PDHX: variants seen among roughly 807,000 people sequenced by gnomAD.
PDHX encodes the protein pyruvate dehydrogenase protein X component, mitochondrial.
Under a neutral mutation model 55.3 loss-of-function variants are expected in PDHX, and 33 were observed. That is an observed-to-expected ratio of 0.60 (90% CI 0.45 to 0.80). PDHX has a LOEUF of 0.80. PDHX is among the 30% of genes least tolerant of loss of function. The probability of loss-of-function intolerance (pLI) is 0.00; values close to 1 mark genes in which losing one functional copy is unlikely to be tolerated. For synonymous variants in PDHX, 226 were observed against 219.4 expected (o/e 1.03, Z -0.27); for missense variants, 622 against 619.9 (o/e 1.00, Z -0.04).
At chr11:34,940,049 A>G (rs1472366992) in intron 2 of PDHX, among the ~76,000 whole-genome samples, 1 of 152,220 alleles carries the variant, frequency 6.6e-6, no homozygotes, top group East Asian at 1.9e-4. Flanking sequence ...AAAATAACAG[A>G]AAGGAAAAAA....
intron 1 of PDHX, among the ~76,000 whole-genome samples, chr11:34,929,374 G>A (rs1022603207): frequency 7.2e-5 from 11 of 152,232 alleles, no homozygotes; most frequent in South Asian, 2.1e-4. Flanking sequence ...GGGATTACAG[G>A]CGTGTGCCAT....
At chr11:34,953,242 A>G (rs1854820160) in intron 3 of PDHX, among the ~76,000 whole-genome samples, 1 of 152,236 alleles carries the variant, frequency 6.6e-6, no homozygotes, top group African/African-American at 2.4e-5. Flanking sequence ...GGAAGAATCA[A>G]TATTGTGAAA....
intron 9 of PDHX, among the ~76,000 whole-genome samples, chr11:34,990,866 ATTAAAG>A (rs1855741497): frequency 6.6e-6 from 1 of 152,216 alleles, no homozygotes; most frequent in African/African-American, 2.4e-5. Flanking sequence ...TCATCTATGA[ATTAAAG>A]TTAGTTATCA....
chr11:34,931,359 G>A (rs1358138202), intron 1 of PDHX, 45 bp from the exon 2 acceptor site: 3 of 985,486 alleles, frequency 3.0e-6, no homozygotes, highest in Non-Finnish European at 4.9e-6. Flanking sequence ...GCCTCATGAG[G>A]TGCATTATTT....
chr11:34,953,131 C>T (rs998539150), intron 3 of PDHX, among the ~76,000 whole-genome samples: 6 of 147,422 alleles, frequency 4.1e-5, no homozygotes, highest in South Asian at 2.1e-4. Context: ...ATCCAACTTA[C>T]GAGGGACGTG....
chr11:34,972,395 A>ATTTTT (rs35664323), intron 7 of PDHX, among the ~76,000 whole-genome samples: 2 of 145,850 alleles, frequency 1.4e-5, no homozygotes. Flanking sequence ...ACAAATGTTG[A>ATTTTT]TTTTTTTTTT....
At chr11:34,970,669 A>G (rs1231711135) in intron 7 of PDHX, among the ~76,000 whole-genome samples, 1 of 152,228 alleles carries the variant, frequency 6.6e-6, no homozygotes, top group Non-Finnish European at 1.5e-5. Flanking sequence ...GAGCAACCCA[A>G]AACCAAAACT....
chr11:34,926,785 A>G (rs1433656166), intron 1 of PDHX, among the ~76,000 whole-genome samples: 1 of 148,612 alleles, frequency 6.7e-6, no homozygotes, highest in East Asian at 1.9e-4. Flanking sequence ...TAAAAGAAAT[A>G]CTTTAGGGAA....
intron 2 of PDHX, chr11:34,942,057 C>G (rs1329389865): frequency 6.6e-6 from 1 of 152,450 alleles, no homozygotes; most frequent in Admixed American, 6.5e-5. Flanking sequence ...CCAGGACCCT[C>G]TATCCTAGCT....
intron 5 of PDHX, among the ~76,000 whole-genome samples, chr11:34,962,266 T>G (rs763860184): frequency 5.9e-5 from 9 of 152,146 alleles, no homozygotes; most frequent in South Asian, 2.1e-4. Flanking sequence ...TAAGAGGTAA[T>G]GAATACTTGA....
chr11:34,953,106 A>G (rs1445697462), intron 3 of PDHX, among the ~76,000 whole-genome samples: 1 of 152,098 alleles, frequency 6.6e-6, no homozygotes, highest in Non-Finnish European at 1.5e-5. Flanking sequence ...TTCAAAGAGA[A>G]TAAAATACTT....
rs1169763962 is a variant in PDHX, at chr11:34,977,946, C to G, written c.965-178C>G. 2.0e-5 allele frequency: 12 copies of G among 606,284 alleles called. 1 individual carries two copies. Among genetic ancestry groups the G allele is most frequent in the Non-Finnish European group, 3.0e-5 (10 of 329,984 alleles). 37.6% of individuals were successfully genotyped at this position (606,284 alleles called of 1,614,324 possible). A position where few individuals can be genotyped will look rare whatever the true frequency, so the allele number is the denominator to read the frequency against. ...CATGGTTAATATTATTGATCCAGGA[C>G]CTCATATAATGCAAGTTTTTCTAAT... On this transcript the variant is annotated intron_variant, in intron 7 of 10. Transcript: ENST00000227868.
rs186422685 is a variant in PDHX, at chr11:34,948,063, T to C, written c.342+457T>C. On this transcript the variant is annotated intron_variant, in intron 3 of 10. Transcript: ENST00000227868. ...TATATCTAAAAAGTTCTGCCAGTTA[T>C]TAGTTACGTAATGATAAGCAAATTC... 1.3e-3 allele frequency among the ~76,000 whole-genome samples: 193 copies of C among 152,318 alleles called. No homozygotes were observed. The Middle Eastern group carries it at 0.014, about 11-fold the overall frequency.
intron 7 of PDHX, among the ~76,000 whole-genome samples, chr11:34,974,060 TAC>T (rs986687940): frequency 6.6e-6 from 1 of 152,258 alleles, no homozygotes; most frequent in African/African-American, 2.4e-5. Flanking sequence ...ATTTTCCGTG[TAC>T]AGTTAGTTCG....
At chr11:34,991,300 A>C (rs1262700991) in intron 9 of PDHX, among the ~76,000 whole-genome samples, 2 of 152,190 alleles carry the variant, frequency 1.3e-5, no homozygotes, top group Non-Finnish European at 2.9e-5. Context: ...CTAGGGCACT[A>C]TAATTCCACT....
Position 34,966,784 on chromosome 11 carries a change from A to G in PDHX, c.786A>G (p.Pro262=), listed in dbSNP as rs1855142955. The change falls in exon 6 of 11, where the codon CCA becomes CCG. Residue 262 remains proline (P), a synonymous_variant. Transcript: ENST00000227868. The stretch of plus-strand genomic sequence containing the variant: ...CTTATCCCCGGCCTGTGATCCCACC[A>G]GTATCAACTCCTGGACAACCCAATG... The part of the protein sequence containing the change: ...GPSYPRPVIP[P]VSTPGQPNAV... 2 of 1,613,988 alleles carry G rather than the reference A, an allele frequency of 1.2e-6. No individual in the cohort carries two copies. The highest frequency in any genetic ancestry group is 1.7e-5 in the Admixed American group (1 of 60,012).
chr11:34,989,125 G>A (rs1381586402), intron 9 of PDHX, among the ~76,000 whole-genome samples: 1 of 152,164 alleles, frequency 6.6e-6, no homozygotes, highest in Non-Finnish European at 1.5e-5. Context: ...CAAACCTGCA[G>A]TACAGCCTAT....
Position 34,995,305 on chromosome 11 carries a change from A to G in PDHX, c.*133A>G. 3 of 1,015,460 alleles carry G rather than the reference A, an allele frequency of 3.0e-6. No individual in the cohort carries two copies. Among genetic ancestry groups the G allele is most frequent in the Non-Finnish European group, 4.6e-6 (3 of 655,186 alleles). The allele number at this position is 1,015,460 out of a possible 1,614,324, so 62.9% of individuals were successfully genotyped here. A position where few individuals can be genotyped will look rare whatever the true frequency, so the allele number is the denominator to read the frequency against. ...ATGTTTATTTATTTAAGGTGAAAGC[A>G]TTTGACCCAGGGTGTCTTCATCTTC... On this transcript the variant is annotated 3_prime_UTR_variant, in exon 11 of 11. Coordinates refer to ENST00000227868, the MANE Select transcript of PDHX (RefSeq NM_003477.3).
intron 4 of PDHX, 95 bp from the exon 5 acceptor site, chr11:34,960,325 T>G: frequency 1.3e-6 from 1 of 792,156 alleles, no homozygotes; most frequent in Non-Finnish European, 2.2e-6. Context: ...TATAAGATTT[T>G]TTTTTAATTA....
Sources: allele counts gnomAD v4.1 joint callset (sites outside exome capture counted in the v4.1 genomes callset), GRCh38; gene constraint gnomAD v4.1.1; transcripts MANE v1.5; gene names NCBI Gene and HGNC (gene_info 2026-07-23, HGNC 2026-07-21).